Variants in CRPPA observed in about 807,000 individuals in gnomAD.
CRPPA encodes D-ribitol-5-phosphate cytidylyltransferase.
In CRPPA, 43 loss-of-function variants were observed where a neutral mutation model predicts 52.0. That is an observed-to-expected ratio of 0.83 (90% CI 0.65 to 1.07). The LOEUF (loss-of-function observed/expected upper bound fraction) is 1.07, where lower values mean the gene tolerates loss of function less well. Among genes scored for constraint, CRPPA ranks in the 50% least tolerant of loss-of-function variants. The pLI is 0.00. For missense variants in CRPPA, 629 were observed against 551.7 expected, an observed-to-expected ratio of 1.14 and a Z score of -1.40; for synonymous variants, 250 against 203.5, an observed-to-expected ratio of 1.23 and a Z score of -1.94.
chr7:16,252,227 G>T (rs1209511533), intron 8 of CRPPA, among the ~76,000 whole-genome samples: 1 of 151,606 alleles, frequency 6.6e-6, no homozygotes, highest in African/African-American at 2.4e-5. Context: ...CTTCATCCCT[G>T]GGATGCAAGG....
At chr7:16,329,291 A>G (rs1785493341) in intron 3 of CRPPA, among the ~76,000 whole-genome samples, 1 of 152,182 alleles carries the variant, frequency 6.6e-6, no homozygotes. Context: ...TGCCTGACAA[A>G]TGGAAGTTAC....
Position 16,406,096 on chromosome 7 carries a change from G to A in CRPPA, c.499C>T (p.Leu167Phe). ...AVRPFVEEGV[L>F]LKVVTAAKEH... ...TTAGCAGCTGTGACAACTTTAAGAA[G>A]GACACCTTCCTCAACAAATGGTCTC... Residue 167 changes from leucine (L) to phenylalanine (F), a missense_variant, in exon 2 of 10, where the codon CTT (leucine) becomes TTT (phenylalanine). Physicochemically the swap from Leu to Phe is conservative, Grantham distance 22. Transcript: ENST00000407010. 1 of 1,613,746 alleles carries A rather than the reference G, an allele frequency of 6.2e-7. No individual in the cohort carries two copies. Among genetic ancestry groups the A allele is most frequent in the Non-Finnish European group, 8.5e-7 (1 of 1,179,804 alleles).
At chr7:16,140,981 T>C (rs969122354) in intron 9 of CRPPA, among the ~76,000 whole-genome samples, 1 of 152,180 alleles carries the variant, frequency 6.6e-6, no homozygotes, top group East Asian at 1.9e-4. Flanking sequence ...AACTGACTAA[T>C]GGACCTGATA....
intron 8 of CRPPA, among the ~76,000 whole-genome samples, chr7:16,244,535 A>G (rs1783214564): frequency 6.6e-6 from 1 of 152,194 alleles, no homozygotes; most frequent in Non-Finnish European, 1.5e-5. Flanking sequence ...TGGAGGTTTC[A>G]TCAGTATTGT....
intron 2 of CRPPA, among the ~76,000 whole-genome samples, chr7:16,393,178 T>C (rs964624083): frequency 6.6e-6 from 1 of 152,088 alleles, no homozygotes; most frequent in African/African-American, 2.4e-5. Flanking sequence ...ACTTGCTGGA[T>C]GGATAAGTGA....
chr7:16,390,289 C>A (rs1282423119), intron 2 of CRPPA, among the ~76,000 whole-genome samples: 2 of 152,102 alleles, frequency 1.3e-5, no homozygotes, highest in African/African-American at 4.8e-5. Context: ...CGATATATAT[C>A]TTCTTCCAGC....
intron 9 of CRPPA, among the ~76,000 whole-genome samples, chr7:16,147,141 T>C (rs1313193246): frequency 6.6e-6 from 1 of 152,154 alleles, no homozygotes; most frequent in African/African-American, 2.4e-5. Flanking sequence ...TGCTCTTCCT[T>C]TGCCTTCCAC....
chr7:16,161,955 C>G (rs999518054), intron 9 of CRPPA, among the ~76,000 whole-genome samples: 1 of 152,050 alleles, frequency 6.6e-6, no homozygotes, highest in African/African-American at 2.4e-5. Flanking sequence ...TTCTTCTAGA[C>G]TTTCTAGTTT....
Position 16,406,208 on chromosome 7 carries a change from T to A in CRPPA, c.387A>T (p.Ser129=). The A allele has an allele frequency of 6.2e-7, 1 of 1,614,038 alleles. No individual in the cohort carries two copies. Among genetic ancestry groups the A allele is most frequent in the African/African-American group, 1.3e-5 (1 of 75,068 alleles). ...CCAGTGCTTTTAGTCCATTGAAAAT[T>A]GACCTGTGGCGGGTCACTCCAGCTT... The part of the protein sequence containing the change: ...LVEAGVTRHR[S]IFNGLKALAE... The change falls in exon 2 of 10, where the codon TCA becomes TCT. Residue 129 remains serine (S), a synonymous_variant. Transcript: ENST00000407010.
At position 16,342,763 on chromosome 7, in the gene CRPPA, C is replaced by CAAAAAAAAAAA. The variant is rs368521163; in HGVS notation, c.684+33318_684+33328dup. On this transcript the variant is annotated intron_variant, in intron 3 of 9. Coordinates refer to ENST00000407010, the MANE Select transcript of CRPPA (RefSeq NM_001101426.4). The stretch of plus-strand genomic sequence containing the variant: ...GGCAACAGGATGAACCCTGTCTCCA[C>CAAAAAAAAAAA]AAAAAAAAAAAAAAAAAAAATATAT... Among the ~76,000 whole-genome samples the CAAAAAAAAAAA allele has an allele frequency of 5.9e-3, 380 of 64,756 alleles. 33 individuals carry two copies. Among genetic ancestry groups the CAAAAAAAAAAA allele is most frequent in the African/African-American group, 0.011 (189 of 16,714 alleles). 42.5% of individuals were successfully genotyped at this position (64,756 alleles called of 152,430 possible). A position where few individuals can be genotyped will look rare whatever the true frequency, so the allele number is the denominator to read the frequency against.
At chr7:16,234,699 T>C (rs1335961302) in intron 8 of CRPPA, among the ~76,000 whole-genome samples, 1 of 152,074 alleles carries the variant, frequency 6.6e-6, no homozygotes, top group African/African-American at 2.4e-5. Context: ...CAGGGTACGA[T>C]AGGAGACAAC....
intron 6 of CRPPA, among the ~76,000 whole-genome samples, chr7:16,272,204 G>A (rs1784105921): frequency 6.6e-6 from 1 of 152,100 alleles, no homozygotes; most frequent in South Asian, 2.1e-4. Flanking sequence ...TTAAGAATCA[G>A]TAAAAAGTGC....
At chr7:16,326,105 T>C (rs530436255) in intron 3 of CRPPA, among the ~76,000 whole-genome samples, 43 of 148,086 alleles carry the variant, frequency 2.9e-4, no homozygotes, top group Admixed American at 2.9e-3. Context: ...GGCTGAAACA[T>C]AGGACACCTA....
chr7:16,247,495 A>G (rs1783310620), intron 8 of CRPPA, among the ~76,000 whole-genome samples: 1 of 152,230 alleles, frequency 6.6e-6, no homozygotes, highest in Admixed American at 6.5e-5. Flanking sequence ...TTATACAGAT[A>G]TGATTTGCAG....
intron 4 of CRPPA, among the ~76,000 whole-genome samples, chr7:16,304,008 T>C (rs975093917): frequency 1.3e-5 from 2 of 152,174 alleles, no homozygotes; most frequent in African/African-American, 4.8e-5. Flanking sequence ...TTGAAGATGG[T>C]TTTGACATTT....
intron 3 of CRPPA, among the ~76,000 whole-genome samples, chr7:16,334,833 G>T (rs1019743297): frequency 6.6e-6 from 1 of 151,926 alleles, no homozygotes; most frequent in Non-Finnish European, 1.5e-5. Context: ...AAATACTAAA[G>T]GTCTATTACA....
At chr7:16,388,140 C>T (rs1230703529) in intron 2 of CRPPA, among the ~76,000 whole-genome samples, 4 of 152,182 alleles carry the variant, frequency 2.6e-5, no homozygotes, top group Middle Eastern at 3.4e-3. Flanking sequence ...TGTGCCACCC[C>T]ACCTAGCTAA....
chr7:16,282,304 T>C (rs144984230), intron 5 of CRPPA, among the ~76,000 whole-genome samples: 19 of 152,268 alleles, frequency 1.2e-4, no homozygotes, highest in Middle Eastern at 3.4e-3. Flanking sequence ...AATCATATTA[T>C]TAGAAACATC....
In CRPPA at chr7:16,098,906, T is replaced by C. The variant is rs369733131; in HGVS notation, c.1252-7107A>G. Among the ~76,000 whole-genome samples, 33 of 152,348 alleles carry C rather than the reference T, an allele frequency of 2.2e-4. No individual in the cohort carries two copies. The East Asian group carries it at 3.9e-3, about 18-fold the overall frequency. On this transcript the variant is annotated intron_variant, in intron 9 of 9. Coordinates refer to ENST00000407010, the MANE Select transcript of CRPPA (RefSeq NM_001101426.4). Reference sequence around the variant, plus strand: ...CTCCGAATGAGAAACATTTTCCTCTTGCTCCTGTGAGTGATAACAAATGCC... The same window carrying C: ...CTCCGAATGAGAAACATTTTCCTCTCGCTCCTGTGAGTGATAACAAATGCC...
Sources: allele counts gnomAD v4.1 joint callset (sites outside exome capture counted in the v4.1 genomes callset), GRCh38; gene constraint gnomAD v4.1.1; transcripts MANE v1.5; gene names NCBI Gene and HGNC (gene_info 2026-07-23, HGNC 2026-07-21).